Variants in ABHD15 observed in about 807,000 individuals in gnomAD.
The protein encoded by ABHD15 is abhydrolase domain containing 15, also known as protein ABHD15.
In ABHD15, 34 loss-of-function variants were observed where a neutral mutation model predicts 34.4. That is an observed-to-expected ratio of 0.99 (90% CI 0.75 to 1.32). The LOEUF (loss-of-function observed/expected upper bound fraction) is 1.32, where lower values mean the gene tolerates loss of function less well. ABHD15 is among the 40% of genes most tolerant of loss of function. The probability of loss-of-function intolerance (pLI) is 0.00; values close to 1 mark genes in which losing one functional copy is unlikely to be tolerated. For synonymous variants in ABHD15, 314 were observed against 299.2 expected (o/e 1.05, Z -0.51); for missense variants, 644 against 650.4 (o/e 0.99, Z 0.11).
At position 29,566,783 on chromosome 17, in the gene ABHD15, C is replaced by G. The variant is rs1567758192; in HGVS notation, c.184G>C (p.Gly62Arg). 11 of 1,511,178 alleles carry G rather than the reference C, an allele frequency of 7.3e-6. No individual in the cohort carries two copies. Among genetic ancestry groups the G allele is most frequent in the Non-Finnish European group, 7.0e-6 (8 of 1,137,298 alleles). The allele number at this position is 1,511,178 out of a possible 1,614,324, so 93.6% of individuals were successfully genotyped here. ...GGGPADQFSD[G>R]REPLPGGCSL... ...CACCCTCCCGGCAGTGGCTCGCGCC[C>G]GTCGCTGAACTGGTCCGCCGGGCCT... is the stretch of plus-strand genomic sequence containing the variant. Residue 62 changes from glycine (G) to arginine (R), a missense_variant, in exon 1 of 2, where the codon GGG becomes CGG. Physicochemically the swap from Gly to Arg is moderately radical, Grantham distance 125. Transcript: ENST00000307201.
At position 29,566,519 on chromosome 17, in the gene ABHD15, TC is replaced by T. The variant is rs2150791734; in HGVS notation, c.447del (p.Ile150SerfsTer13). ...GCAGGAAGGCCCCCGGCGCTGGTGA[TC>T]CGGCGGCCCCGAACACAAGGTCCTA... ...WVVGPCVRGR[R>X]ITSAGGLPAV... On this transcript the variant is annotated frameshift_variant, in exon 1 of 2. Coordinates refer to ENST00000307201, the MANE Select transcript of ABHD15 (RefSeq NM_198147.3). LOFTEE classifies it high-confidence loss of function. 1 of 1,610,298 alleles carries T rather than the reference TC, an allele frequency of 6.2e-7. No homozygotes were observed. The highest frequency in any genetic ancestry group is 2.2e-5 in the East Asian group (1 of 44,776).
Position 29,565,255 on chromosome 17 carries a change from T to TA in ABHD15, c.881+830dup, listed in dbSNP as rs59668640. Among the ~76,000 whole-genome samples, 94 of 149,384 alleles carry TA rather than the reference T, an allele frequency of 6.3e-4. No homozygotes were observed. In the Middle Eastern group the frequency reaches 0.01, roughly 16 times the overall value. Reference sequence around the variant, plus strand: ...GCCTGGGTGACAAAGTGAGACTGTCTAAAAAAAAAAATACTTTTAAAAAAT... The same window carrying TA: ...GCCTGGGTGACAAAGTGAGACTGTCTAAAAAAAAAAAATACTTTTAAAAAAT... On this transcript the variant is annotated intron_variant, in intron 1 of 1. Transcript: ENST00000307201.
intron 1 of ABHD15, 123 bp from the exon 2 acceptor site, chr17:29,563,209 G>T: frequency 9.0e-7 from 1 of 1,110,026 alleles, no homozygotes; most frequent in Non-Finnish European, 1.3e-6. Context: ...GCTTTCTTTG[G>T]CCATTTAGGG....
chr17:29,565,968 G>C (rs2032700852), intron 1 of ABHD15, 118 bp downstream of exon 1: 12 of 1,373,252 alleles, frequency 8.7e-6, no homozygotes, highest in South Asian at 1.5e-5. Flanking sequence ...GATGTGTTCA[G>C]AGAACTTTGC....
chr17:29,564,449 T>A (rs1375573971), intron 1 of ABHD15, among the ~76,000 whole-genome samples: 2 of 152,160 alleles, frequency 1.3e-5, no homozygotes, highest in East Asian at 3.9e-4. Flanking sequence ...ACAGGGAACA[T>A]CTTTGCTGTT....
chr17:29,566,426 C>T lies in ABHD15; in HGVS notation c.541G>A (p.Ala181Thr), dbSNP rs1310531275. Residue 181 changes from alanine (A) to threonine (T), a missense_variant, in exon 1 of 2, where the codon GCC becomes ACC. Transcript: ENST00000307201. ...ACCGGGTAGTAGCCGCGCTCCAGGG[C>T]GAGCAAGCAAAGGCCGAGCACGTTG... Reference protein sequence around the residue: ...TRNVLGLCLLALERGYYPVIF... With the variant: ...TRNVLGLCLLTLERGYYPVIF... 2 of 1,612,050 alleles carry T rather than the reference C, an allele frequency of 1.2e-6. No homozygotes were observed. Among genetic ancestry groups the T allele is most frequent in the Non-Finnish European group, 8.5e-7 (1 of 1,179,542 alleles).
At chr17:29,565,338 T>A (rs2032686321) in intron 1 of ABHD15, among the ~76,000 whole-genome samples, 1 of 151,760 alleles carries the variant, frequency 6.6e-6, no homozygotes, top group South Asian at 2.1e-4. Flanking sequence ...TATATAACAT[T>A]TTTTTTTGAG....
At position 29,562,896 on chromosome 17, in the gene ABHD15, C is replaced by G. The variant is rs757668562; in HGVS notation, c.1072G>C (p.Ala358Pro). Residue 358 changes from alanine to proline, a missense_variant, in exon 2 of 2, where the codon GCT (alanine) becomes CCT (proline). Ala to Pro is a conservative substitution (Grantham distance 27). Coordinates refer to ENST00000307201, the MANE Select transcript of ABHD15 (RefSeq NM_198147.3). The stretch of plus-strand genomic sequence containing the variant: ...GGGGGTCCACACACGGGGTCGTCAG[C>G]ACTGCAGATACACAGCACAGGCACG... ...AAVPVLCICS[A>P]DDPVCGPPDH... 5.0e-6 allele frequency: 8 copies of G among 1,614,048 alleles called. No homozygotes were observed. The Middle Eastern group carries it at 4.9e-4, about 99-fold the overall frequency.
chr17:29,562,360 CAGG>C lies in ABHD15; in HGVS notation c.*198_*200del, dbSNP rs1789919607. ...AGGGATATGTTGAGCAGAGGCCAGGCAGGAGTTCTGCTGAGGATGAAGTGAGTG... is the reference window on the plus strand; with the variant it reads ...AGGGATATGTTGAGCAGAGGCCAGGCAGTTCTGCTGAGGATGAAGTGAGTG... On this transcript the variant is annotated 3_prime_UTR_variant, in exon 2 of 2. Transcript: ENST00000307201. The C allele has an allele frequency of 5.4e-6, 3 of 559,878 alleles. No homozygotes were observed. 34.7% of individuals were successfully genotyped at this position (559,878 alleles called of 1,614,324 possible). A position where few individuals can be genotyped will look rare whatever the true frequency, so the allele number is the denominator to read the frequency against.
At position 29,563,100 on chromosome 17, in the gene ABHD15, G is replaced by A; in HGVS notation, c.882-14C>T. ...GCTGTGGCATACCTGGCAGCGAGGT[G>A]TTTAGTGGGGAAGGTGGGAAAGAGA... On this transcript the variant is annotated splice_polypyrimidine_tract_variant and intron_variant, in intron 1 of 1. Coordinates refer to ENST00000307201, the MANE Select transcript of ABHD15 (RefSeq NM_198147.3). The A allele has an allele frequency of 6.3e-7, 1 of 1,589,978 alleles. No individual in the cohort carries two copies. Among genetic ancestry groups the A allele is most frequent in the Non-Finnish European group, 8.5e-7 (1 of 1,172,526 alleles).
rs749963392 is a variant in ABHD15, at chr17:29,566,289, G to A, written c.678C>T (p.His226=). The stretch of plus-strand genomic sequence containing the variant: ...TCACCGCGAACAGCGGCGCCGCCGG[G>A]TGTCGGAAGCGGATGTATGTGACCG... The part of the protein sequence containing the change: ...KEAVTYIRFR[H]PAAPLFAVSE... Residue 226 remains histidine (H), a synonymous_variant, in exon 1 of 2, where the codon CAC becomes CAT. Transcript: ENST00000307201. 6.8e-6 allele frequency: 11 copies of A among 1,611,478 alleles called. No homozygotes were observed. Among genetic ancestry groups the A allele is most frequent in the Middle Eastern group, 1.7e-4 (1 of 6,044 alleles).
chr17:29,565,189 G>A (rs1338315249), intron 1 of ABHD15, among the ~76,000 whole-genome samples: 1 of 151,968 alleles, frequency 6.6e-6, no homozygotes, highest in African/African-American at 2.4e-5. Context: ...CACCCAGGAG[G>A]TGGAGGTTAC....
chr17:29,563,117 GGAAAGAGAGGGAA>G, intron 1 of ABHD15, 31 bp from the exon 2 acceptor site: 1 of 1,571,732 alleles, frequency 6.4e-7, no homozygotes, highest in Non-Finnish European at 8.6e-7. Context: ...GGGGAAGGTG[GGAAAGAGAGGGAA>G]GAATGAGAAC....
At position 29,566,828 on chromosome 17, in the gene ABHD15, C is replaced by T. The variant is rs1460487936; in HGVS notation, c.139G>A (p.Gly47Arg). The change falls in exon 1 of 2, where the codon GGG becomes AGG. Residue 47 changes from glycine to arginine, a missense_variant. Coordinates refer to ENST00000307201, the MANE Select transcript of ABHD15 (RefSeq NM_198147.3). Reference protein sequence around the residue: ...TLPGAQDRDDGEEADGGGPAD... With the variant: ...TLPGAQDRDDREEADGGGPAD... ...GGGCCTCCGCCGTCCGCCTCCTCCCCGTCGTCTCGGTCTTGGGCCCCCGGC... is the reference window on the plus strand; with the variant it reads ...GGGCCTCCGCCGTCCGCCTCCTCCCTGTCGTCTCGGTCTTGGGCCCCCGGC... 4.0e-6 allele frequency: 6 copies of T among 1,516,562 alleles called. No individual in the cohort carries two copies. Among genetic ancestry groups the T allele is most frequent in the Non-Finnish European group, 3.5e-6 (4 of 1,140,286 alleles). 93.9% of individuals were successfully genotyped at this position (1,516,562 alleles called of 1,614,324 possible).
chr17:29,563,861 A>G (rs765838874), intron 1 of ABHD15, among the ~76,000 whole-genome samples: 1 of 152,142 alleles, frequency 6.6e-6, no homozygotes, highest in African/African-American at 2.4e-5. Context: ...TCCATCTCAA[A>G]AAATAAATAA....
rs565676282 is a variant in ABHD15, at chr17:29,566,507, C to G, written c.460G>C (p.Gly154Arg). ...CVRGRRITSA[G>R]GLPAVLLVIP... is the part of the protein sequence containing the mutation. ...ACCAGAAGCACCGCAGGAAGGCCCC[C>G]GGCGCTGGTGATCCGGCGGCCCCGA... Residue 154 changes from glycine (G) to arginine (R), a missense_variant, in exon 1 of 2, where the codon GGG becomes CGG. Coordinates refer to ENST00000307201, the MANE Select transcript of ABHD15 (RefSeq NM_198147.3). 4 of 1,611,152 alleles carry G rather than the reference C, an allele frequency of 2.5e-6. No homozygotes were observed. In the African/African-American group the frequency reaches 4.0e-5, roughly 16 times the overall value.
In ABHD15 at chr17:29,562,735, G is replaced by A; in HGVS notation, c.1233C>T (p.Ser411=). 6.2e-7 allele frequency: 1 copy of A among 1,614,138 alleles called. No individual in the cohort carries two copies. Among genetic ancestry groups the A allele is most frequent in the Non-Finnish European group, 8.5e-7 (1 of 1,180,022 alleles). The change falls in exon 2 of 2, where the codon TCC becomes TCT. Residue 411 remains serine (S), a synonymous_variant. Coordinates refer to ENST00000307201, the MANE Select transcript of ABHD15 (RefSeq NM_198147.3). ...PAWSHEVILE[S]FRALTEFFRT... ...GGAAGAACTCAGTCAAGGCCCGGAAGGACTCCAAGATGACCTCATGGCTCC... is the reference window on the plus strand; with the variant it reads ...GGAAGAACTCAGTCAAGGCCCGGAAAGACTCCAAGATGACCTCATGGCTCC...
chr17:29,566,010 G>T, intron 1 of ABHD15, 76 bp downstream of exon 1: 1 of 1,493,586 alleles, frequency 6.7e-7, no homozygotes, highest in Non-Finnish European at 8.9e-7. Flanking sequence ...CCAATGCTAT[G>T]CATAGCTGTT....
chr17:29,564,810 CATA>C, intron 1 of ABHD15, among the ~76,000 whole-genome samples: 1 of 152,312 alleles, frequency 6.6e-6, no homozygotes, highest in South Asian at 2.1e-4. Flanking sequence ...ACACTGTTGC[CATA>C]ATGACTTCGA....
Sources: gnomAD v4.1 joint callset for allele counts (sites outside exome capture counted in the v4.1 genomes callset) on GRCh38, gnomAD v4.1.1 for gene constraint, MANE v1.5 for transcripts, NCBI Gene and HGNC (gene_info 2026-07-23, HGNC 2026-07-21) for gene names.